Variants in EPB41L2 observed in about 807,000 individuals in gnomAD.
EPB41L2 encodes the protein band 4.1-like protein 2.
In EPB41L2, 43 loss-of-function variants were observed where a neutral mutation model predicts 113.0. The observed-to-expected ratio is 0.38, with a 90% CI of 0.30 to 0.49. EPB41L2 has a LOEUF of 0.49. EPB41L2 is among the 20% of genes least tolerant of loss of function. EPB41L2 has a pLI of 0.95. For missense variants in EPB41L2, 1,147 were observed against 1,223.4 expected (o/e 0.94, Z 0.93); for synonymous variants, 442 against 436.7 (o/e 1.01, Z -0.15).
intron 1 of EPB41L2, among the ~76,000 whole-genome samples, chr6:131,055,356 T>C (rs1797394666): frequency 6.6e-6 from 1 of 152,190 alleles, no homozygotes; most frequent in South Asian, 2.1e-4. Flanking sequence ...ATTTTTCTAA[T>C]ATTGAAAAAT....
intron 8 of EPB41L2, among the ~76,000 whole-genome samples, chr6:130,898,020 A>G (rs1276310190): frequency 7.1e-6 from 1 of 141,556 alleles, no homozygotes; most frequent in Non-Finnish European, 1.6e-5. Flanking sequence ...ATAGTAAGTT[A>G]AAAAAAAAAA....
intron 16 of EPB41L2, 85 bp from the exon 17 acceptor site, chr6:130,865,719 A>G (rs564021267): frequency 2.3e-6 from 3 of 1,321,024 alleles, no homozygotes; most frequent in African/African-American, 1.5e-5. Flanking sequence ...TCGAATATGC[A>G]TCTTTTAAAA....
chr6:130,885,822 A>AT (rs964362119), intron 11 of EPB41L2, among the ~76,000 whole-genome samples: 16 of 152,276 alleles, frequency 1.1e-4, no homozygotes, highest in African/African-American at 3.6e-4. Flanking sequence ...TATGTTTAAT[A>AT]TTTTTTATTT....
chr6:130,943,563 T>A (rs955255255), intron 3 of EPB41L2, among the ~76,000 whole-genome samples: 2 of 152,152 alleles, frequency 1.3e-5, no homozygotes, highest in Non-Finnish European at 2.9e-5. Flanking sequence ...AGGTGGACAG[T>A]TTCTTCAAAA....
chr6:130,974,662 G>T (rs1311243360), intron 1 of EPB41L2, among the ~76,000 whole-genome samples: 1 of 148,294 alleles, frequency 6.7e-6, no homozygotes, highest in Non-Finnish European at 1.5e-5. Flanking sequence ...AATTTGGTCT[G>T]CCCTCAAAGC....
intron 19 of EPB41L2, among the ~76,000 whole-genome samples, chr6:130,848,197 TCTCACACACACACACA>T (rs1211962009): frequency 5.5e-5 from 7 of 127,824 alleles, no homozygotes; most frequent in South Asian, 2.7e-4. Flanking sequence ...TCTCTCTCTC[TCTCACACACACACACA>T]CACACACACA....
In EPB41L2 at chr6:130,861,874, C is replaced by CAAAAA. The variant is rs558987011; in HGVS notation, c.2910+1759_2910+1763dup. ...GCACCAGAGGGAGACTCCATCTCCC[C>CAAAAA]AAAAAAAAAAAAAAAGTTTATGCTA... is the stretch of plus-strand genomic sequence containing the variant. On this transcript the variant is annotated intron_variant, in intron 18 of 19. Transcript: ENST00000337057. Among the ~76,000 whole-genome samples the CAAAAA allele has an allele frequency of 4.2e-3, 510 of 120,662 alleles. 3 individuals are homozygous for CAAAAA. The highest frequency in any genetic ancestry group is 0.016 in the East Asian group (69 of 4,302). The allele number at this position is 120,662 out of a possible 152,430, so 79.2% of individuals were successfully genotyped here. A position where few individuals can be genotyped will look rare whatever the true frequency, so the allele number is the denominator to read the frequency against.
At chr6:131,025,255 G>A (rs1174848388) in intron 1 of EPB41L2, among the ~76,000 whole-genome samples, 1 of 152,014 alleles carries the variant, frequency 6.6e-6, no homozygotes, top group African/African-American at 2.4e-5. Context: ...TTGTTTTGAA[G>A]GCTAAATGAG....
chr6:130,933,917 GC>G (rs1408819772), intron 3 of EPB41L2, among the ~76,000 whole-genome samples: 3 of 152,174 alleles, frequency 2.0e-5, no homozygotes, highest in Non-Finnish European at 4.4e-5. Context: ...TCCGTGTAGG[GC>G]CCTCCACACT....
intron 11 of EPB41L2, among the ~76,000 whole-genome samples, chr6:130,887,643 G>C (rs888138709): frequency 2.0e-5 from 3 of 152,068 alleles, no homozygotes; most frequent in African/African-American, 7.2e-5. Context: ...TAGCTTCATC[G>C]TTGCCGCCTC....
chr6:130,858,021 T>C, intron 19 of EPB41L2, 110 bp downstream of exon 19: 1 of 861,778 alleles, frequency 1.2e-6, no homozygotes. Flanking sequence ...GAAAGTCAAA[T>C]GTACTATAGG....
At chr6:130,886,593 C>T (rs1384229915) in intron 11 of EPB41L2, among the ~76,000 whole-genome samples, 3 of 151,764 alleles carry the variant, frequency 2.0e-5, no homozygotes, top group African/African-American at 7.3e-5. Context: ...TTGCATTTTA[C>T]ATTAAGTATA....
chr6:130,943,393 T>C (rs1011505882), intron 3 of EPB41L2, among the ~76,000 whole-genome samples: 3 of 152,246 alleles, frequency 2.0e-5, no homozygotes, highest in Non-Finnish European at 4.4e-5. Context: ...TTTCTAACCT[T>C]ACTCGACCCT....
chr6:130,983,495 TA>T lies in EPB41L2; in HGVS notation c.-14-26997del, dbSNP rs536989665. ...CCTACAAATTTTTACGGCATGTTAC[TA>T]TACACTTGTACACTACTATAGACTT... On this transcript the variant is annotated intron_variant, in intron 1 of 19. Coordinates refer to ENST00000337057, the MANE Select transcript of EPB41L2 (RefSeq NM_001431.4). Among the ~76,000 whole-genome samples, 6 of 152,008 alleles carry T rather than the reference TA, an allele frequency of 3.9e-5. No homozygotes were observed. In the East Asian group the frequency reaches 1.2e-3, roughly 29 times the overall value.
intron 1 of EPB41L2, among the ~76,000 whole-genome samples, chr6:131,044,880 T>G (rs532035142): frequency 2.0e-5 from 3 of 152,302 alleles, no homozygotes; most frequent in African/African-American, 7.2e-5. Flanking sequence ...TTTATTATTA[T>G]TAAGTAGAAA....
chr6:131,013,519 T>C (rs1403188825), intron 1 of EPB41L2: 2 of 152,230 alleles, frequency 1.3e-5, no homozygotes, highest in Non-Finnish European at 2.9e-5. Context: ...AGAAATTTTC[T>C]ATGAAGCCTA....
chr6:131,040,550 G>A (rs1794264241), intron 1 of EPB41L2, among the ~76,000 whole-genome samples: 1 of 152,050 alleles, frequency 6.6e-6, no homozygotes, highest in Non-Finnish European at 1.5e-5. Context: ...ACTGATTCAG[G>A]TAAAATCACC....
chr6:130,871,958 G>T (rs2027117), intron 14 of EPB41L2, among the ~76,000 whole-genome samples: 120,184 of 152,114 alleles, frequency 0.79, 48,306 homozygotes, highest in East Asian at 1. Context: ...AAGCAATTAT[G>T]TCATGGAGCA....
intron 2 of EPB41L2, 65 bp from the exon 3 acceptor site, chr6:130,955,382 A>G: frequency 7.0e-7 from 1 of 1,435,508 alleles, no homozygotes; most frequent in Non-Finnish European, 9.6e-7. Context: ...AACATACTAA[A>G]AGGAAAATCT....
Sources: allele counts gnomAD v4.1 joint callset (sites outside exome capture counted in the v4.1 genomes callset), GRCh38; gene constraint gnomAD v4.1.1; transcripts MANE v1.5; gene names NCBI Gene and HGNC (gene_info 2026-07-23, HGNC 2026-07-21).